Variants in CLVS1 observed in about 807,000 individuals in gnomAD.
The protein encoded by CLVS1 is clavesin-1.
A neutral mutation model predicts 33.1 loss-of-function variants in CLVS1; 10 were observed. That is an observed-to-expected ratio of 0.30 (90% CI 0.19 to 0.51). The LOEUF is 0.51. Ranked by LOEUF, CLVS1 falls within the 20% of genes least tolerant of loss-of-function variation. The pLI is 0.97. For missense variants in CLVS1, 343 were observed against 433.4 expected (o/e 0.79, Z 1.85); for synonymous variants, 163 against 166.1 (o/e 0.98, Z 0.14).
intron 1 of CLVS1, among the ~76,000 whole-genome samples, chr8:61,058,602 C>A (rs1164186936): frequency 6.6e-6 from 1 of 152,186 alleles, no homozygotes; most frequent in Non-Finnish European, 1.5e-5. Flanking sequence ...CTAATTTTGA[C>A]ATATGCCATA....
At chr8:61,380,066 T>A (rs1246092179) in intron 3 of CLVS1, among the ~76,000 whole-genome samples, 1 of 152,166 alleles carries the variant, frequency 6.6e-6, no homozygotes, top group African/African-American at 2.4e-5. Flanking sequence ...GCCATTGCAA[T>A]GTAACATCAA....
chr8:61,371,684 A>C (rs1813445713), intron 2 of CLVS1, among the ~76,000 whole-genome samples: 1 of 152,204 alleles, frequency 6.6e-6, no homozygotes, highest in Non-Finnish European at 1.5e-5. Context: ...CATGTTTTGA[A>C]ATTTGAATAC....
At chr8:61,422,185 G>GA (rs545787547) in intron 3 of CLVS1, among the ~76,000 whole-genome samples, 1 of 150,686 alleles carries the variant, frequency 6.6e-6, no homozygotes, top group African/African-American at 2.4e-5. Context: ...TTAGAAGCAA[G>GA]AAAAAAAACT....
At chr8:61,155,923 G>A (rs1806638600) in intron 2 of CLVS1, among the ~76,000 whole-genome samples, 1 of 152,310 alleles carries the variant, frequency 6.6e-6, no homozygotes, top group Non-Finnish European at 1.5e-5. Context: ...AAGATAGCCT[G>A]TTGTGGGCCT....
chr8:61,372,990 A>G (rs2129601399), intron 2 of CLVS1, among the ~76,000 whole-genome samples: 1 of 152,196 alleles, frequency 6.6e-6, no homozygotes, highest in Non-Finnish European at 1.5e-5. Context: ...CTCTTTCTAT[A>G]CTGTACTCTT....
chr8:61,331,828 C>G (rs907346222), intron 2 of CLVS1, among the ~76,000 whole-genome samples: 23 of 149,062 alleles, frequency 1.5e-4, no homozygotes, highest in Non-Finnish European at 3.0e-4. Context: ...TCCTCTTCCT[C>G]CTCCTCCTCC....
chr8:61,264,868 C>T (rs1809274621), intron 2 of CLVS1: 1 of 152,212 alleles, frequency 6.6e-6, no homozygotes. Flanking sequence ...AACTCAGAGA[C>T]ATACGTTGTG....
chr8:61,239,899 G>A (rs1450128036), intron 2 of CLVS1, among the ~76,000 whole-genome samples: 2 of 152,084 alleles, frequency 1.3e-5, no homozygotes, highest in South Asian at 2.1e-4. Context: ...TAAAGGCCGT[G>A]AGACTCAGAG....
At chr8:61,018,713 G>C in the CLVS1 span, among the ~76,000 whole-genome samples, 3 of 152,228 alleles carry the variant, frequency 2.0e-5, no homozygotes, top group African/African-American at 4.8e-5. Flanking sequence ...GATCATCTTT[G>C]AGATCAGGCG....
intron 3 of CLVS1, among the ~76,000 whole-genome samples, chr8:61,401,318 A>G (rs1402895100): frequency 1.3e-5 from 2 of 152,080 alleles, no homozygotes; most frequent in Non-Finnish European, 2.9e-5. Flanking sequence ...GAACAGAGGT[A>G]GTGAGAATAG....
At chr8:61,315,582 G>A (rs139120019) in intron 2 of CLVS1, among the ~76,000 whole-genome samples, 153 of 152,188 alleles carry the variant, frequency 1.0e-3, no homozygotes, top group African/African-American at 3.6e-3. Flanking sequence ...TCACAGATAG[G>A]GACAAGGGCA....
chr8:61,448,219 A>G (rs1816825714), intron 3 of CLVS1, among the ~76,000 whole-genome samples: 3 of 151,916 alleles, frequency 2.0e-5, no homozygotes, highest in African/African-American at 7.3e-5. Context: ...ATGTCTTGGC[A>G]TCAATTTATT....
chr8:61,367,820 C>T (rs1023687036), intron 2 of CLVS1, among the ~76,000 whole-genome samples: 6 of 152,228 alleles, frequency 3.9e-5, no homozygotes, highest in Admixed American at 1.3e-4. Context: ...ATATATTTTA[C>T]TGTCTCCTAC....
At chr8:61,411,352 A>G (rs1332976268) in intron 3 of CLVS1, among the ~76,000 whole-genome samples, 1 of 152,146 alleles carries the variant, frequency 6.6e-6, no homozygotes, top group Non-Finnish European at 1.5e-5. Flanking sequence ...TAAGCCCCTG[A>G]CAGCTAGAGA....
intron 3 of CLVS1, among the ~76,000 whole-genome samples, chr8:61,395,700 C>T (rs188955854): frequency 2.6e-4 from 39 of 152,256 alleles, no homozygotes; most frequent in African/African-American, 8.9e-4. Context: ...GCATTTTTAT[C>T]AGATTCCCAT....
At chr8:61,204,101 C>T (rs1037406165) in intron 2 of CLVS1, among the ~76,000 whole-genome samples, 3 of 152,278 alleles carry the variant, frequency 2.0e-5, no homozygotes, top group East Asian at 3.9e-4. Flanking sequence ...GATTTGAATT[C>T]TGGTTTCTTG....
intron 2 of CLVS1, among the ~76,000 whole-genome samples, chr8:61,178,561 T>C (rs1374747757): frequency 6.6e-6 from 1 of 151,894 alleles, no homozygotes; most frequent in East Asian, 1.9e-4. Flanking sequence ...TCTCCACGGT[T>C]GAAATGAAGG....
chr8:61,262,016 G>C (rs1027918251), intron 2 of CLVS1, among the ~76,000 whole-genome samples: 2 of 144,844 alleles, frequency 1.4e-5, no homozygotes, highest in Non-Finnish European at 3.0e-5. Context: ...GTGTGTGTGT[G>C]TGTGTGTGTA....
chr8:61,058,565 C>A (rs111616820), intron 1 of CLVS1, among the ~76,000 whole-genome samples: 4,784 of 152,242 alleles, frequency 0.031, 264 homozygotes, highest in African/African-American at 0.11. Flanking sequence ...ATACAATACA[C>A]CACAAATGTG....
Sources: gnomAD v4.1 joint callset for allele counts (sites outside exome capture counted in the v4.1 genomes callset) on GRCh38, gnomAD v4.1.1 for gene constraint, MANE v1.5 for transcripts, NCBI Gene and HGNC (gene_info 2026-07-23, HGNC 2026-07-21) for gene names.